The following LIMK1 variants were observed in gnomAD, a reference collection of about 807,000 sequenced individuals.
LIMK1 encodes the protein LIM domain kinase 1, also known as LIM motif-containing protein kinase.
LIMK1 carries 21 observed loss-of-function variants against 77.6 expected under a neutral mutation model. That is an observed-to-expected ratio of 0.27 (90% CI 0.19 to 0.39). The LOEUF is 0.39. LIMK1 is among the 10% of genes least tolerant of loss of function. LIMK1 has a pLI of 1.00. For missense variants in LIMK1, 696 were observed against 901.6 expected, an observed-to-expected ratio of 0.77 and a Z score of 2.92; for synonymous variants, 358 against 370.0, an observed-to-expected ratio of 0.97 and a Z score of 0.37.
chr7:74,086,142 C>G (rs1157563046), intron 2 of LIMK1, among the ~76,000 whole-genome samples: 1 of 152,130 alleles, frequency 6.6e-6, no homozygotes, highest in Non-Finnish European at 1.5e-5. Context: ...TCCTCCTGGG[C>G]TCACGCAGTT....
Position 74,085,738 on chromosome 7 carries a change from C to T in LIMK1, c.56-10C>T, listed in dbSNP as rs1563909409. The stretch of plus-strand genomic sequence containing the variant: ...TGAGAATGCTTCCCAACTCCCTTCC[C>T]ACCCTGCAGGAAGCGAGTTGCCCGT... On this transcript the variant is annotated splice_polypyrimidine_tract_variant and intron_variant, in intron 1 of 15. Transcript: ENST00000336180. 7 of 1,550,686 alleles carry T rather than the reference C, an allele frequency of 4.5e-6. No homozygotes were observed. Among genetic ancestry groups the T allele is most frequent in the Non-Finnish European group, 6.1e-6 (7 of 1,146,562 alleles).
At position 74,085,761 on chromosome 7, in the gene LIMK1, C is replaced by T. The variant is rs372823474; in HGVS notation, c.69C>T (p.Pro23=). Reference sequence around the variant, plus strand: ...CCCACCCTGCAGGAAGCGAGTTGCCCGTGTGTGCAAGCTGCGGCCAGAGGA... The same window carrying T: ...CCCACCCTGCAGGAAGCGAGTTGCCTGTGTGTGCAAGCTGCGGCCAGAGGA... ...ERMGEEGSEL[P]VCASCGQRIY... Residue 23 remains proline, a synonymous_variant, in exon 2 of 16, where the codon CCC becomes CCT. Transcript: ENST00000336180. The T allele has an allele frequency of 1.4e-5, 22 of 1,558,960 alleles. No homozygotes were observed. Among genetic ancestry groups the T allele is most frequent in the Admixed American group, 3.8e-5 (2 of 52,320 alleles).
intron 5 of LIMK1, among the ~76,000 whole-genome samples, chr7:74,101,389 C>G (rs1554696566): frequency 2.0e-5 from 3 of 152,154 alleles, no homozygotes; most frequent in African/African-American, 7.2e-5. Flanking sequence ...TGCCTGTTAT[C>G]TCAGCCACTT....
chr7:74,084,081 AG>A (rs1554693733), intron 1 of LIMK1, 36 bp downstream of exon 1: 6 of 1,261,554 alleles, frequency 4.8e-6, no homozygotes, highest in South Asian at 2.9e-5. Flanking sequence ...GAGGGCCTGG[AG>A]GGGGTGCCCG....
In LIMK1 at chr7:74,108,994, G is replaced by C. The variant is rs782245339; in HGVS notation, c.1242G>C (p.Glu414Asp). The part of the protein sequence containing the change: ...YKDKRLNFIT[E>D]YIKGGTLRGI... ...ACAAGAGGCTCAACTTCATCACTGA[G>C]TACATCAAGGGCGGCACGCTCCGGG... Residue 414 changes from glutamate to aspartate, a missense_variant, in exon 10 of 16, where the codon GAG (glutamate) becomes GAC (aspartate). By Grantham distance (45) the Glu-to-Asp change is conservative. This residue lies in a region of LIMK1 where 438 missense variants were observed against 602.3 expected (regional missense o/e 0.73). Transcript: ENST00000336180. The C allele has an allele frequency of 3.1e-6, 5 of 1,614,076 alleles. No homozygotes were observed. The highest frequency in any genetic ancestry group is 8.5e-7 in the Non-Finnish European group (1 of 1,179,996).
chr7:74,093,002 C>A, intron 2 of LIMK1: 1 of 733,252 alleles, frequency 1.4e-6, no homozygotes, highest in Non-Finnish European at 2.1e-6. Context: ...GGGTCCAAGC[C>A]TAGATCGCTC....
intron 2 of LIMK1, among the ~76,000 whole-genome samples, chr7:74,087,174 GGGCAGATCACTTGAGTTCA>G (rs1426200140): frequency 9.2e-5 from 14 of 152,134 alleles, no homozygotes; most frequent in Admixed American, 7.2e-4. Flanking sequence ...GGGCTGAGGT[GGGCAGATCACTTGAGTTCA>G]GGAGTTCGAG....
intron 9 of LIMK1, 90 bp from the exon 10 acceptor site, chr7:74,108,815 A>C: frequency 4.5e-6 from 7 of 1,540,756 alleles, no homozygotes; most frequent in Non-Finnish European, 6.1e-6. Context: ...GACCGCCTAC[A>C]GCCCCTGGTG....
chr7:74,093,449 C>T, intron 2 of LIMK1: 1 of 980,988 alleles, frequency 1.0e-6, no homozygotes, highest in Non-Finnish European at 1.5e-6. Flanking sequence ...TGGGAGCAGG[C>T]CACTGCCAAA....
At chr7:74,093,307 G>A (rs996033884) in intron 2 of LIMK1, 6 of 1,535,854 alleles carry the variant, frequency 3.9e-6, no homozygotes, top group Non-Finnish European at 5.2e-6. Flanking sequence ...TAAGTAAGTG[G>A]GAATCCCCCT....
At chr7:74,114,005 C>A (rs1056829879) in intron 12 of LIMK1, among the ~76,000 whole-genome samples, 2 of 152,102 alleles carry the variant, frequency 1.3e-5, no homozygotes, top group Non-Finnish European at 2.9e-5. Context: ...AATCCCAACA[C>A]TTTGGGAGAC....
intron 9 of LIMK1, 84 bp from the exon 10 acceptor site, chr7:74,108,820 CT>C: frequency 6.4e-7 from 1 of 1,550,682 alleles, no homozygotes; most frequent in Non-Finnish European, 8.7e-7. Flanking sequence ...CCTACAGCCC[CT>C]GGTGGGATGG....
At chr7:74,111,819 GA>G (rs1799704800) in intron 11 of LIMK1, 112 bp downstream of exon 11, 1 of 1,432,172 alleles carries the variant, frequency 7.0e-7, no homozygotes, top group African/African-American at 1.4e-5. Flanking sequence ...AGAGTGGGAA[GA>G]ATCGTCCCGA....
chr7:74,099,281 G>A, intron 5 of LIMK1, 43 bp downstream of exon 5: 4 of 1,574,244 alleles, frequency 2.5e-6, no homozygotes, highest in Non-Finnish European at 3.5e-6. Context: ...TGTGGCTATG[G>A]CTGTTGATGT....
chr7:74,090,770 G>A (rs936203213), intron 2 of LIMK1, among the ~76,000 whole-genome samples: 2 of 152,214 alleles, frequency 1.3e-5, no homozygotes, highest in Non-Finnish European at 2.9e-5. Context: ...GAGGTGGCCA[G>A]TGATTTCCAC....
At chr7:74,102,508 CA>C (rs1799486738) in intron 5 of LIMK1, among the ~76,000 whole-genome samples, 1 of 8,746 alleles carries the variant, frequency 1.1e-4, no homozygotes, top group African/African-American at 1.7e-4. Context: ...TTTTTGGAGA[CA>C]GGGTATCACT....
chr7:74,101,797 A>G (rs1221578739), intron 5 of LIMK1, among the ~76,000 whole-genome samples: 6 of 86,778 alleles, frequency 6.9e-5, no homozygotes, highest in African/African-American at 9.9e-5. Context: ...TTACATATGT[A>G]TGTCATATAT....
At position 74,096,835 on chromosome 7, in the gene LIMK1, C is replaced by T. The variant is rs1799346171; in HGVS notation, c.291+75C>T. 3.3e-6 allele frequency: 5 copies of T among 1,495,998 alleles called. No individual in the cohort carries two copies. The East Asian group carries it at 1.1e-4, about 34-fold the overall frequency. The allele number at this position is 1,495,998 out of a possible 1,614,324, so 92.7% of individuals were successfully genotyped here. On this transcript the variant is annotated intron_variant, in intron 3 of 15. Transcript: ENST00000336180. ...AGACCCCATGCTCCAGGTCTCTCTCCCATCATTGTCTCTCCTGGTCTCCTT... is the reference window on the plus strand; with the variant it reads ...AGACCCCATGCTCCAGGTCTCTCTCTCATCATTGTCTCTCCTGGTCTCCTT...
chr7:74,106,094 G>T lies in LIMK1; in HGVS notation c.732G>T (p.Gln244His). 2 of 1,614,088 alleles carry T rather than the reference G, an allele frequency of 1.2e-6. No homozygotes were observed. The highest frequency in any genetic ancestry group is 8.5e-7 in the Non-Finnish European group (1 of 1,180,012). The change falls in exon 7 of 16, where the codon CAG becomes CAT. Residue 244 changes from glutamine (Q) to histidine (H), a missense_variant. By Grantham distance (24) the Gln-to-His change is conservative. Coordinates refer to ENST00000336180, the MANE Select transcript of LIMK1 (RefSeq NM_002314.4). ...VPLDEIDLLI[Q>H]ETSRLLQLTL... ...GTCCCCAGATTGACCTGCTGATTCA[G>T]GAAACCAGCCGCCTGCTCCAGCTGA...
Sources: allele counts gnomAD v4.1 joint callset (sites outside exome capture counted in the v4.1 genomes callset), GRCh38; gene constraint gnomAD v4.1.1; regional missense constraint gnomAD v4.1.1; transcripts MANE v1.5; gene names NCBI Gene and HGNC (gene_info 2026-07-23, HGNC 2026-07-21).